The following FGD4 variants were observed in gnomAD, a reference collection of about 807,000 sequenced individuals.
FGD4 encodes the protein FYVE, RhoGEF and PH domain-containing protein 4.
In FGD4, 42 loss-of-function variants were observed where a neutral mutation model predicts 102.0. The ratio of observed to expected loss-of-function variants is 0.41; its 90% confidence interval spans 0.32 to 0.53. The LOEUF is 0.53. Ranked by LOEUF, FGD4 falls within the 20% of genes least tolerant of loss-of-function variation. The probability of loss-of-function intolerance (pLI) is 0.21; values close to 1 mark genes in which losing one functional copy is unlikely to be tolerated. For missense variants in FGD4, 902 were observed against 1,078.2 expected, an observed-to-expected ratio of 0.84 and a Z score of 2.29; for synonymous variants, 380 against 375.7, an observed-to-expected ratio of 1.01 and a Z score of -0.13.
At chr12:32,525,977 C>T (rs931728071) in intron 1 of FGD4, among the ~76,000 whole-genome samples, 3 of 152,222 alleles carry the variant, frequency 2.0e-5, no homozygotes, top group Non-Finnish European at 4.4e-5. Flanking sequence ...GGCTCCTGTG[C>T]GGCCCGAGCC....
chr12:32,631,706 AT>A (rs1950513402), intron 14 of FGD4, among the ~76,000 whole-genome samples: 1 of 151,980 alleles, frequency 6.6e-6, no homozygotes, highest in Non-Finnish European at 1.5e-5. Flanking sequence ...GGGTTTCACC[AT>A]GCTGGCCAGG....
chr12:32,450,474 C>G (rs1441458418), intron 1 of FGD4, among the ~76,000 whole-genome samples: 2 of 152,126 alleles, frequency 1.3e-5, no homozygotes, highest in Non-Finnish European at 2.9e-5. Context: ...AAGCTGGCTT[C>G]TGTTCTCTTT....
intron 1 of FGD4, among the ~76,000 whole-genome samples, chr12:32,416,407 T>C (rs915523211): frequency 6.6e-6 from 1 of 152,168 alleles, no homozygotes; most frequent in African/African-American, 2.4e-5. Flanking sequence ...TGTTTTTTGG[T>C]CTTCTCTTCT....
intron 1 of FGD4, among the ~76,000 whole-genome samples, chr12:32,489,709 C>T (rs1007609548): frequency 1.3e-5 from 2 of 152,282 alleles, no homozygotes; most frequent in Admixed American, 1.3e-4. Flanking sequence ...GTGTTATATA[C>T]ACATTATTCC....
intron 1 of FGD4, among the ~76,000 whole-genome samples, chr12:32,541,509 G>A (rs1256119131): frequency 1.3e-5 from 2 of 152,122 alleles, no homozygotes; most frequent in East Asian, 3.9e-4. Flanking sequence ...GGGATTAGAG[G>A]CGCCTGCCAC....
chr12:32,623,325 C>T (rs567866997), intron 11 of FGD4, among the ~76,000 whole-genome samples: 1 of 152,030 alleles, frequency 6.6e-6, no homozygotes, highest in Non-Finnish European at 1.5e-5. Flanking sequence ...GGTGGCAAGG[C>T]AGAGCAATAA....
chr12:32,462,586 C>G (rs1943137701), intron 1 of FGD4, among the ~76,000 whole-genome samples: 1 of 152,012 alleles, frequency 6.6e-6, no homozygotes, highest in Non-Finnish European at 1.5e-5. Flanking sequence ...TTATCAGAAC[C>G]ACTAATGAGA....
At chr12:32,633,800 C>T in intron 15 of FGD4, 111 bp downstream of exon 15, 2 of 983,994 alleles carry the variant, frequency 2.0e-6, no homozygotes, top group African/African-American at 1.7e-5. Context: ...ACTGCAACCT[C>T]AGCCTCCCAA....
intron 1 of FGD4, among the ~76,000 whole-genome samples, chr12:32,438,260 G>A (rs1397906557): frequency 1.3e-5 from 2 of 152,186 alleles, no homozygotes; most frequent in African/African-American, 2.4e-5. Flanking sequence ...TTATTGAAAT[G>A]GTTTGGAGAG....
chr12:32,637,379 G>A (rs1012127361), intron 15 of FGD4, among the ~76,000 whole-genome samples: 21 of 151,308 alleles, frequency 1.4e-4, no homozygotes, highest in African/African-American at 2.7e-4. Flanking sequence ...GGCAGATCAC[G>A]AGGTCAGGAG....
At chr12:32,469,007 G>A (rs1201325968) in intron 1 of FGD4, among the ~76,000 whole-genome samples, 1 of 151,678 alleles carries the variant, frequency 6.6e-6, no homozygotes, top group Non-Finnish European at 1.5e-5. Context: ...TGTATTTTTA[G>A]TAGAGACGGG....
chr12:32,460,191 A>G (rs1943065406), intron 1 of FGD4, among the ~76,000 whole-genome samples: 1 of 152,122 alleles, frequency 6.6e-6, no homozygotes, highest in African/African-American at 2.4e-5. Context: ...ACTACTTTTC[A>G]TTTTATCTTT....
intron 1 of FGD4, among the ~76,000 whole-genome samples, chr12:32,500,736 C>A (rs1311363018): frequency 6.6e-6 from 1 of 152,070 alleles, no homozygotes; most frequent in Non-Finnish European, 1.5e-5. Flanking sequence ...CTGGCCATGA[C>A]CATATTTTAA....
chr12:32,575,555 G>A (rs972433801), intron 2 of FGD4, among the ~76,000 whole-genome samples: 2 of 152,134 alleles, frequency 1.3e-5, no homozygotes, highest in Non-Finnish European at 2.9e-5. Context: ...TCCAACATTG[G>A]GGACCAGATT....
intron 1 of FGD4, among the ~76,000 whole-genome samples, chr12:32,466,774 A>G (rs1249344123): frequency 6.7e-6 from 1 of 150,294 alleles, no homozygotes; most frequent in East Asian, 2.0e-4. Flanking sequence ...AGGCTGAAAC[A>G]GGAAAATCAC....
chr12:32,455,046 C>T (rs751508829), intron 1 of FGD4, among the ~76,000 whole-genome samples: 6 of 152,136 alleles, frequency 3.9e-5, no homozygotes, highest in African/African-American at 1.4e-4. Flanking sequence ...TTGAGACTTG[C>T]AACTTGCCAG....
chr12:32,480,151 TGG>T (rs35242330), intron 1 of FGD4, among the ~76,000 whole-genome samples: 5 of 142,494 alleles, frequency 3.5e-5, no homozygotes, highest in Non-Finnish European at 7.8e-5. Context: ...TGTTTGTTTG[TGG>T]GGGTTTTTTT....
intron 1 of FGD4, among the ~76,000 whole-genome samples, chr12:32,495,980 T>G (rs1158590116): frequency 6.6e-6 from 1 of 152,204 alleles, no homozygotes; most frequent in African/African-American, 2.4e-5. Context: ...TTTAATACTT[T>G]ATTCTTTCTG....
At position 32,643,662 on chromosome 12, in the gene FGD4, C is replaced by T. The variant is rs928890265; in HGVS notation, c.*3129C>T. ...CTTTCCCCATATATATATACGCACA[C>T]GTTTGGATTTTTTTTTTTTAAGAAC... On this transcript the variant is annotated 3_prime_UTR_variant, in exon 17 of 17. Transcript: ENST00000534526. 1 of 135,262 alleles carries T rather than the reference C, an allele frequency of 7.4e-6. No homozygotes were observed. The highest frequency in any genetic ancestry group is 2.8e-5 in the African/African-American group (1 of 35,986). The allele number at this position is 135,262 out of a possible 1,614,324, so 8.4% of individuals were successfully genotyped here.
Sources: allele counts gnomAD v4.1 joint callset (sites outside exome capture counted in the v4.1 genomes callset), GRCh38; gene constraint gnomAD v4.1.1; transcripts MANE v1.5; gene names NCBI Gene and HGNC (gene_info 2026-07-23, HGNC 2026-07-21).